Variants in HSPBAP1 observed in about 807,000 individuals in gnomAD.
HSPBAP1 encodes HSPB1 associated protein 1, also known as HSPB1-associated protein 1.
In HSPBAP1, 27 loss-of-function variants were observed where a neutral mutation model predicts 45.2. That is an observed-to-expected ratio of 0.60 (90% CI 0.44 to 0.82). The LOEUF (loss-of-function observed/expected upper bound fraction) is 0.82. Ranked by LOEUF, HSPBAP1 falls within the 40% of genes least tolerant of loss-of-function variation. The probability of loss-of-function intolerance (pLI) is 0.00; values close to 1 mark genes in which losing one functional copy is unlikely to be tolerated. For synonymous variants in HSPBAP1, 204 were observed against 202.7 expected (o/e 1.01, Z -0.06); for missense variants, 510 against 590.9 (o/e 0.86, Z 1.42).
At chr3:122,759,185 C>CACA (rs1934469819) in intron 4 of HSPBAP1, 39 bp downstream of exon 4, 94 of 1,463,830 alleles carry the variant, frequency 6.4e-5, no homozygotes, top group Admixed American at 1.2e-4. Flanking sequence ...CATGTGCGTT[C>CACA]CACACACACA....
chr3:122,748,492 T>A (rs1185820859), intron 6 of HSPBAP1, among the ~76,000 whole-genome samples: 1 of 152,164 alleles, frequency 6.6e-6, no homozygotes, highest in East Asian at 1.9e-4. Context: ...ATCTAAATTC[T>A]AACACAAAAC....
chr3:122,744,538 T>C (rs888471960), intron 6 of HSPBAP1, among the ~76,000 whole-genome samples: 5 of 152,218 alleles, frequency 3.3e-5, no homozygotes, highest in African/African-American at 9.6e-5. Flanking sequence ...TCAATAAACA[T>C]TGAATGGCCT....
chr3:122,779,933 C>T (rs1320406093), intron 1 of HSPBAP1, among the ~76,000 whole-genome samples: 2 of 151,950 alleles, frequency 1.3e-5, no homozygotes, highest in Non-Finnish European at 2.9e-5. Flanking sequence ...GGCAACCATC[C>T]GATTTCTCAA....
At chr3:122,757,127 G>T (rs1388048022) in intron 4 of HSPBAP1, among the ~76,000 whole-genome samples, 1 of 149,698 alleles carries the variant, frequency 6.7e-6, no homozygotes, top group African/African-American at 2.5e-5. Context: ...GCTTTGTTTG[G>T]GTTAAAAAAT....
intron 1 of HSPBAP1, among the ~76,000 whole-genome samples, chr3:122,788,984 C>T (rs769744167): frequency 6.6e-6 from 1 of 152,128 alleles, no homozygotes; most frequent in Admixed American, 6.5e-5. Flanking sequence ...TTTTCTGATA[C>T]TCATCAATAC....
intron 6 of HSPBAP1, among the ~76,000 whole-genome samples, chr3:122,743,357 G>T (rs1933733982): frequency 6.6e-6 from 1 of 152,144 alleles, no homozygotes. Context: ...ATCACCTGAG[G>T]TCAGGAGTTC....
intron 3 of HSPBAP1, among the ~76,000 whole-genome samples, chr3:122,761,106 T>C (rs1050056739): frequency 6.6e-6 from 1 of 152,130 alleles, no homozygotes; most frequent in Non-Finnish European, 1.5e-5. Flanking sequence ...CTGGTCCTTG[T>C]TGAACAATTT....
At chr3:122,782,479 T>C (rs1361365630) in intron 1 of HSPBAP1, among the ~76,000 whole-genome samples, 1 of 152,110 alleles carries the variant, frequency 6.6e-6, no homozygotes, top group East Asian at 1.9e-4. Flanking sequence ...CAAGCAAGTT[T>C]CTCTTTTAAA....
At chr3:122,764,292 T>C (rs182894719) in intron 3 of HSPBAP1, among the ~76,000 whole-genome samples, 8 of 152,364 alleles carry the variant, frequency 5.3e-5, no homozygotes, top group Admixed American at 1.3e-4. Context: ...CTCTGGTCTT[T>C]AGGACCCCTC....
rs1387985512 is a variant in HSPBAP1 at position 122,774,189 on chromosome 3, AACC to A, written c.250+3529_250+3531del. Among the ~76,000 whole-genome samples, 7 of 152,354 alleles carry A rather than the reference AACC, an allele frequency of 4.6e-5. No individual in the cohort carries two copies. In the East Asian group the frequency reaches 1.3e-3, roughly 29 times the overall value. ...AGAGACTTTAAACAGGTAATTATAC[AACC>A]ATGTGATTACAACTGTGCTAAGTGT... On this transcript the variant is annotated intron_variant, in intron 2 of 7. Coordinates refer to ENST00000306103, the MANE Select transcript of HSPBAP1 (RefSeq NM_024610.6).
At position 122,773,223 on chromosome 3, in the gene HSPBAP1, A is replaced by C. The variant is rs571500074; in HGVS notation, c.251-4341T>G. ...TAAAATCCCAATAAGGAAATAGTCAAAGACCAATTATCAGGAAAAAATACA... is the reference window on the plus strand; with the variant it reads ...TAAAATCCCAATAAGGAAATAGTCACAGACCAATTATCAGGAAAAAATACA... On this transcript the variant is annotated intron_variant, in intron 2 of 7. Transcript: ENST00000306103. Among the ~76,000 whole-genome samples, 3 of 152,256 alleles carry C rather than the reference A, an allele frequency of 2.0e-5. 1 individual carries two copies. Among genetic ancestry groups the C allele is most frequent in the Admixed American group, 2.0e-4 (3 of 15,292 alleles).
At chr3:122,764,530 T>C (rs1317520467) in intron 3 of HSPBAP1, among the ~76,000 whole-genome samples, 1 of 152,238 alleles carries the variant, frequency 6.6e-6, no homozygotes, top group East Asian at 1.9e-4. Flanking sequence ...TTGATAAACA[T>C]ACTAATATGA....
At chr3:122,776,565 T>A (rs536503771) in intron 2 of HSPBAP1, among the ~76,000 whole-genome samples, 17 of 152,338 alleles carry the variant, frequency 1.1e-4, no homozygotes, top group African/African-American at 3.8e-4. Context: ...CTAACTAGAA[T>A]GTGAAAAAAT....
At chr3:122,782,465 AAAACAAGCAAGTT>A (rs1935518220) in intron 1 of HSPBAP1, among the ~76,000 whole-genome samples, 1 of 152,224 alleles carries the variant, frequency 6.6e-6, no homozygotes, top group African/African-American at 2.4e-5. Flanking sequence ...TTTGAATTAA[AAAACAAGCAAGTT>A]TCTCTTTTAA....
chr3:122,772,646 T>C (rs75799321), intron 2 of HSPBAP1, among the ~76,000 whole-genome samples: 4,391 of 151,518 alleles, frequency 0.029, 101 homozygotes, highest in Non-Finnish European at 0.047. Flanking sequence ...GATAGTTAAA[T>C]GTAAAAAAGA....
intron 5 of HSPBAP1, chr3:122,754,851 G>C: frequency 1.0e-6 from 1 of 989,364 alleles, no homozygotes; most frequent in Non-Finnish European, 1.2e-6. Flanking sequence ...ACACCTGGAG[G>C]CATTCCGACC....
Position 122,777,846 on chromosome 3 carries a change from T to A in HSPBAP1, c.125A>T (p.Gln42Leu). ...KAKEIIMSLQ[Q>L]PAIFCNMVFD... ...CACCATGTTACAGAAGATTGCAGGT[T>A]GTTGTAAAGACATGATAATTTCTTT... Residue 42 changes from glutamine to leucine, a missense_variant, in exon 2 of 8, where the codon CAA (glutamine) becomes CTA (leucine). Coordinates refer to ENST00000306103, the MANE Select transcript of HSPBAP1 (RefSeq NM_024610.6). 2 of 1,613,998 alleles carry A rather than the reference T, an allele frequency of 1.2e-6. No homozygotes were observed. The highest frequency in any genetic ancestry group is 1.7e-6 in the Non-Finnish European group (2 of 1,179,858).
chr3:122,747,831 C>T (rs1933963279), intron 6 of HSPBAP1, among the ~76,000 whole-genome samples: 1 of 151,918 alleles, frequency 6.6e-6, no homozygotes, highest in African/African-American at 2.4e-5. Flanking sequence ...GCCGCCCCTA[C>T]TGGGAAGTGA....
intron 2 of HSPBAP1, among the ~76,000 whole-genome samples, chr3:122,770,938 A>G (rs924740962): frequency 1.3e-5 from 2 of 152,258 alleles, no homozygotes; most frequent in African/African-American, 4.8e-5. Context: ...CCAACTGAAT[A>G]CTAAAGCCAT....
Sources: allele counts gnomAD v4.1 joint callset (sites outside exome capture counted in the v4.1 genomes callset), GRCh38; gene constraint gnomAD v4.1.1; transcripts MANE v1.5; gene names NCBI Gene and HGNC (gene_info 2026-07-23, HGNC 2026-07-21).